FRMD4B: variants seen among roughly 807,000 people sequenced by gnomAD.
FRMD4B encodes FERM domain containing 4B.
A neutral mutation model predicts 141.5 loss-of-function variants in FRMD4B; 74 were observed. The ratio of observed to expected loss-of-function variants is 0.52; its 90% CI spans 0.43 to 0.63. The LOEUF is 0.63. Ranked by LOEUF, FRMD4B falls within the 30% of genes least tolerant of loss-of-function variation. The pLI, the probability that FRMD4B is intolerant of heterozygous loss-of-function variation, is 0.00. For missense variants in FRMD4B, 1,366 were observed against 1,253.4 expected (o/e 1.09, Z -1.36); for synonymous variants, 506 against 467.9 (o/e 1.08, Z -1.05).
chr3:69,498,510 A>G (rs17367490), intron 1 of FRMD4B, among the ~76,000 whole-genome samples: 24,324 of 152,168 alleles, frequency 0.16, 2,024 homozygotes, highest in South Asian at 0.24. Flanking sequence ...CAAATATAGC[A>G]TGCTCTTCAA....
intron 1 of FRMD4B, among the ~76,000 whole-genome samples, chr3:69,506,713 T>G (rs1156253337): frequency 6.0e-5 from 9 of 150,328 alleles, no homozygotes; most frequent in Admixed American, 3.3e-4. Context: ...CTAATTTTTT[T>G]GGGGGGGGTG....
intron 1 of FRMD4B, among the ~76,000 whole-genome samples, chr3:69,434,899 C>A (rs1255282309): frequency 2.0e-5 from 3 of 152,166 alleles, no homozygotes; most frequent in Admixed American, 2.0e-4. Flanking sequence ...GGCTTAAAGT[C>A]CAAGATCAAG....
intron 17 of FRMD4B, among the ~76,000 whole-genome samples, chr3:69,191,672 G>A (rs979523978): frequency 6.6e-6 from 1 of 152,192 alleles, no homozygotes; most frequent in Admixed American, 6.5e-5. Context: ...GAGCTTGAAG[G>A]CAAGGTGCCA....
chr3:69,196,425 T>C (rs754040926), intron 13 of FRMD4B, 29 bp from the exon 14 acceptor site: 1 of 1,562,684 alleles, frequency 6.4e-7, no homozygotes, highest in Non-Finnish European at 8.7e-7. Context: ...TGAAACAGAA[T>C]TAACTCAAAC....
intron 1 of FRMD4B, among the ~76,000 whole-genome samples, chr3:69,334,877 C>G (rs573472470): frequency 1.3e-5 from 2 of 152,122 alleles, no homozygotes; most frequent in Non-Finnish European, 2.9e-5. Flanking sequence ...GACTTGCCAG[C>G]GAAGAAGAAA....
chr3:69,407,953 A>G (rs1264595014), intron 2 of FRMD4B, among the ~76,000 whole-genome samples: 5 of 152,188 alleles, frequency 3.3e-5, no homozygotes, highest in Non-Finnish European at 4.4e-5. Flanking sequence ...GGTCACGGAA[A>G]AGCGTCTGTG....
At chr3:69,440,691 C>T (rs1705329565) in intron 1 of FRMD4B, among the ~76,000 whole-genome samples, 2 of 152,064 alleles carry the variant, frequency 1.3e-5, no homozygotes, top group Admixed American at 6.6e-5. Flanking sequence ...CCCTGTAATC[C>T]CAGCTACTTG....
At chr3:69,327,414 C>T (rs72934881) in intron 1 of FRMD4B, among the ~76,000 whole-genome samples, 6,704 of 152,224 alleles carry the variant, frequency 0.044, 518 homozygotes, top group African/African-American at 0.15. Context: ...ATGGAAGCCA[C>T]TCACAAAGCA....
At chr3:69,514,191 A>G (rs1029262851) in intron 1 of FRMD4B, among the ~76,000 whole-genome samples, 6 of 152,228 alleles carry the variant, frequency 3.9e-5, no homozygotes, top group African/African-American at 1.4e-4. Flanking sequence ...GAATTAATGA[A>G]CAACTTCAGC....
At position 69,176,508 on chromosome 3, in the gene FRMD4B, A is replaced by C; in HGVS notation, c.2984+16T>G. 1 of 1,603,764 alleles carries C rather than the reference A, an allele frequency of 6.2e-7. No homozygotes were observed. The highest frequency in any genetic ancestry group is 8.5e-7 in the Non-Finnish European group (1 of 1,171,876). Reference sequence around the variant, plus strand: ...CTGGAACAGGCTCCTAGGATTTTCGAGCATTGCTTCCTCACCTGCTTGGAG... The same window carrying C: ...CTGGAACAGGCTCCTAGGATTTTCGCGCATTGCTTCCTCACCTGCTTGGAG... On this transcript the variant is annotated intron_variant, in intron 22 of 22. Coordinates refer to ENST00000398540, the MANE Select transcript of FRMD4B (RefSeq NM_015123.3).
chr3:69,383,185 C>T (rs1704160286), intron 1 of FRMD4B, among the ~76,000 whole-genome samples: 1 of 152,204 alleles, frequency 6.6e-6, no homozygotes, highest in Non-Finnish European at 1.5e-5. Context: ...CACGGTCATA[C>T]ATAGGCAAAG....
At chr3:69,228,523 C>T in intron 7 of FRMD4B, 1 of 446,928 alleles carries the variant, frequency 2.2e-6, no homozygotes, top group East Asian at 7.0e-5. Flanking sequence ...GAGATCAAAA[C>T]TTTAATTTAT....
At chr3:69,208,622 C>T (rs2093046977) in intron 11 of FRMD4B, among the ~76,000 whole-genome samples, 1 of 152,066 alleles carries the variant, frequency 6.6e-6, no homozygotes, top group South Asian at 2.1e-4. Context: ...ACATCACCTT[C>T]CTCAGAGAGG....
At chr3:69,509,841 A>T (rs562668172) in intron 1 of FRMD4B, among the ~76,000 whole-genome samples, 1 of 151,960 alleles carries the variant, frequency 6.6e-6, no homozygotes, top group Non-Finnish European at 1.5e-5. Flanking sequence ...TAATTTTACT[A>T]AAATTTTAGT....
chr3:69,388,053 T>C (rs1704303494), upstream of FRMD4B, among the ~76,000 whole-genome samples: 1 of 152,068 alleles, frequency 6.6e-6, no homozygotes, highest in Non-Finnish European at 1.5e-5. Flanking sequence ...ACTTCAAAAA[T>C]GCCCTATTAG....
chr3:69,347,693 C>A (rs1017713486), intron 1 of FRMD4B, among the ~76,000 whole-genome samples: 1 of 152,180 alleles, frequency 6.6e-6, no homozygotes, highest in Non-Finnish European at 1.5e-5. Context: ...CAAAACCGCT[C>A]AACTATATGG....
At chr3:69,207,801 C>T (rs1029862435) in intron 11 of FRMD4B, among the ~76,000 whole-genome samples, 4 of 148,332 alleles carry the variant, frequency 2.7e-5, no homozygotes, top group Admixed American at 6.7e-5. Flanking sequence ...AGTGAGACTC[C>T]GTCTCAAAAA....
intron 7 of FRMD4B, among the ~76,000 whole-genome samples, chr3:69,233,417 G>A (rs2093324107): frequency 6.6e-6 from 1 of 151,060 alleles, no homozygotes; most frequent in African/African-American, 2.4e-5. Flanking sequence ...CCGGGAGTTC[G>A]AGGCTGCAAT....
rs796111283 is a variant in FRMD4B at position 69,239,049 on chromosome 3, C to T, written c.581+10177G>A. ...TTTTTATTTGCTAAATCTGGCAACT[C>T]TAAGGGCTTATAATAAACTGCCTGG... On this transcript the variant is annotated intron_variant, in intron 7 of 22. Coordinates refer to ENST00000398540, the MANE Select transcript of FRMD4B (RefSeq NM_015123.3). 2.9e-4 allele frequency among the ~76,000 whole-genome samples: 44 copies of T among 152,264 alleles called. 1 individual carries two copies. The highest frequency in any genetic ancestry group is 1.0e-3 in the African/African-American group (42 of 41,548).
Sources: allele counts gnomAD v4.1 joint callset (sites outside exome capture counted in the v4.1 genomes callset), GRCh38; gene constraint gnomAD v4.1.1; transcripts MANE v1.5; gene names NCBI Gene and HGNC (gene_info 2026-07-23, HGNC 2026-07-21).